Variants in LRBA observed in about 807,000 individuals in gnomAD.
The protein encoded by LRBA is lipopolysaccharide-responsive and beige-like anchor protein.
LRBA carries 176 observed loss-of-function variants against 330.0 expected under a neutral mutation model. That is an observed-to-expected ratio of 0.53 (90% CI 0.47 to 0.60). LRBA has a LOEUF of 0.60. Among genes scored for constraint, LRBA ranks in the 20% least tolerant of loss-of-function variants. The probability of loss-of-function intolerance (pLI) is 0.00; values close to 1 mark genes in which losing one functional copy is unlikely to be tolerated. For missense variants in LRBA, 3,259 were observed against 3,444.8 expected (o/e 0.95, Z 1.35); for synonymous variants, 1,230 against 1,193.0 (o/e 1.03, Z -0.64).
chr4:150,596,583 G>A (rs1046657067), intron 38 of LRBA, among the ~76,000 whole-genome samples: 4 of 151,782 alleles, frequency 2.6e-5, no homozygotes, highest in African/African-American at 9.7e-5. Flanking sequence ...CAACATTGAA[G>A]CACGGTATTT....
intron 2 of LRBA, among the ~76,000 whole-genome samples, chr4:150,978,945 G>C (rs540269831): frequency 6.6e-6 from 1 of 152,204 alleles, no homozygotes; most frequent in East Asian, 1.9e-4. Flanking sequence ...AAGAGGAAGT[G>C]GAGAAAGAAA....
chr4:150,318,768 T>C (rs995220297), intron 50 of LRBA, among the ~76,000 whole-genome samples: 2 of 152,120 alleles, frequency 1.3e-5, no homozygotes, highest in Non-Finnish European at 2.9e-5. Flanking sequence ...GCAGTATGTA[T>C]GGAAAGGGTG....
chr4:150,657,723 A>T (rs901657848), intron 37 of LRBA, among the ~76,000 whole-genome samples: 1 of 152,144 alleles, frequency 6.6e-6, no homozygotes, highest in Non-Finnish European at 1.5e-5. Context: ...TCCCAAAAAT[A>T]TTAAAAAACT....
At position 150,722,765 on chromosome 4, in the gene LRBA, A is replaced by G. The variant is rs140722504; in HGVS notation, c.5754+12493T>C. Among the ~76,000 whole-genome samples the G allele has an allele frequency of 2.2e-4, 34 of 152,092 alleles. No homozygotes were observed. The East Asian group carries it at 6.2e-3, about 28-fold the overall frequency. ...AACCAAAAATCAGGTGAGCGATCACAGTACTTGTTTTTAACTTCATATCAT... is the reference window on the plus strand; with the variant it reads ...AACCAAAAATCAGGTGAGCGATCACGGTACTTGTTTTTAACTTCATATCAT... On this transcript the variant is annotated intron_variant, in intron 36 of 56. Coordinates refer to ENST00000651943, the MANE Select transcript of LRBA (RefSeq NM_001364905.1).
At chr4:150,349,421 A>T (rs922702722) in intron 48 of LRBA, among the ~76,000 whole-genome samples, 1 of 152,224 alleles carries the variant, frequency 6.6e-6, no homozygotes, top group Admixed American at 6.5e-5. Context: ...TACTAAAAAA[A>T]GTAAGGTCTT....
At chr4:150,337,330 A>C (rs760753242) in intron 48 of LRBA, among the ~76,000 whole-genome samples, 25 of 152,170 alleles carry the variant, frequency 1.6e-4, no homozygotes, top group Non-Finnish European at 3.1e-4. Flanking sequence ...AAATCATAAA[A>C]ATATTAATAT....
intron 50 of LRBA, among the ~76,000 whole-genome samples, chr4:150,316,297 A>G (rs922208665): frequency 2.6e-5 from 4 of 152,148 alleles, no homozygotes; most frequent in African/African-American, 7.2e-5. Flanking sequence ...ACAAAAATCA[A>G]TCTATCCTAA....
chr4:150,339,929 C>T (rs1461748259), intron 48 of LRBA, among the ~76,000 whole-genome samples: 1 of 151,038 alleles, frequency 6.6e-6, no homozygotes, highest in Non-Finnish European at 1.5e-5. Flanking sequence ...TCCCACAATC[C>T]CCACATCGTG....
intron 40 of LRBA, among the ~76,000 whole-genome samples, chr4:150,586,474 T>G (rs964576207): frequency 6.6e-6 from 1 of 152,178 alleles, no homozygotes; most frequent in Non-Finnish European, 1.5e-5. Flanking sequence ...CATTAACATC[T>G]ATACAAAATT....
chr4:150,744,738 C>T (rs1456975133), intron 35 of LRBA, among the ~76,000 whole-genome samples: 1 of 152,194 alleles, frequency 6.6e-6, no homozygotes, highest in African/African-American at 2.4e-5. Context: ...CTATGGTGGA[C>T]ACACCCTAAT....
chr4:150,482,888 T>G (rs1757449789), intron 42 of LRBA, among the ~76,000 whole-genome samples: 1 of 152,098 alleles, frequency 6.6e-6, no homozygotes, highest in African/African-American at 2.4e-5. Context: ...TCTTGTTATA[T>G]AGTATGTTTC....
intron 17 of LRBA, among the ~76,000 whole-genome samples, chr4:150,878,736 T>G (rs1728030303): frequency 6.6e-6 from 1 of 151,912 alleles, no homozygotes; most frequent in Non-Finnish European, 1.5e-5. Flanking sequence ...CTAGAAAATC[T>G]ATAGGAAATG....
At chr4:150,657,981 T>C (rs910216453) in intron 37 of LRBA, among the ~76,000 whole-genome samples, 6 of 152,072 alleles carry the variant, frequency 3.9e-5, no homozygotes, top group Non-Finnish European at 8.8e-5. Flanking sequence ...TTTTGGTAAA[T>C]GGTGAAGGTA....
At position 150,694,552 on chromosome 4, in the gene LRBA, A is replaced by G. The variant is rs76472267; in HGVS notation, c.5755-10835T>C. Among the ~76,000 whole-genome samples the G allele has an allele frequency of 4.5e-3, 682 of 151,716 alleles. 6 individuals carry two copies. Among genetic ancestry groups the G allele is most frequent in the African/African-American group, 0.016 (652 of 41,368 alleles). On this transcript the variant is annotated intron_variant, in intron 36 of 56. Coordinates refer to ENST00000651943, the MANE Select transcript of LRBA (RefSeq NM_001364905.1). ...GCTTAGAAAATCTCAACAGCAAACA[A>G]AAGTCAACCAATGACAATGTGTGAC...
intron 26 of LRBA, 87 bp downstream of exon 26, chr4:150,848,731 C>T: frequency 9.7e-7 from 1 of 1,030,678 alleles, no homozygotes; most frequent in Non-Finnish European, 1.4e-6. Context: ...ATTTTCTCAC[C>T]AACAGAAGAC....
intron 47 of LRBA, among the ~76,000 whole-genome samples, chr4:150,382,018 A>C (rs982252361): frequency 2.0e-5 from 3 of 152,082 alleles, no homozygotes; most frequent in African/African-American, 7.2e-5. Flanking sequence ...TTATCTTCTT[A>C]TTCTTGAGTT....
At chr4:150,368,175 AT>A (rs1446317630) in intron 47 of LRBA, among the ~76,000 whole-genome samples, 1 of 152,120 alleles carries the variant, frequency 6.6e-6, no homozygotes, top group Non-Finnish European at 1.5e-5. Context: ...GTCCTCCGAG[AT>A]TTCAGTGCTC....
At chr4:150,394,607 C>T (rs1007025028) in intron 47 of LRBA, among the ~76,000 whole-genome samples, 2 of 152,066 alleles carry the variant, frequency 1.3e-5, no homozygotes, top group African/African-American at 2.4e-5. Context: ...AGAAAGAAAA[C>T]CTGGCAGGCA....
intron 40 of LRBA, among the ~76,000 whole-genome samples, chr4:150,556,981 T>C (rs1010771989): frequency 1.3e-5 from 2 of 152,228 alleles, no homozygotes; most frequent in African/African-American, 4.8e-5. Context: ...ACGTTTGTTA[T>C]GTGCTGTGTT....
Sources: allele counts gnomAD v4.1 joint callset (sites outside exome capture counted in the v4.1 genomes callset), GRCh38; gene constraint gnomAD v4.1.1; transcripts MANE v1.5; gene names NCBI Gene and HGNC (gene_info 2026-07-23, HGNC 2026-07-21).